Variants in RAB6A observed in about 807,000 individuals in gnomAD.
The protein encoded by RAB6A is RAB6A, member RAS oncogene family.
RAB6A carries 8 observed loss-of-function variants against 32.3 expected under a neutral mutation model. That is an observed-to-expected ratio of 0.25 (90% CI 0.15 to 0.45). RAB6A has a LOEUF of 0.45. Ranked by LOEUF, RAB6A falls within the 20% of genes least tolerant of loss-of-function variation. RAB6A has a pLI of 1.00. For synonymous variants in RAB6A, 73 were observed against 82.1 expected (o/e 0.89, Z 0.60); for missense variants, 104 against 249.4 (o/e 0.42, Z 3.93).
chr11:73,733,560 A>AT (rs1266445564), intron 1 of RAB6A, among the ~76,000 whole-genome samples: 97 of 142,184 alleles, frequency 6.8e-4, no homozygotes, highest in African/African-American at 2.2e-3. Flanking sequence ...CAAAAAAAAA[A>AT]AAATAAATAA....
rs1388949693 is a variant in RAB6A, at chr11:73,677,698, A to G, written c.*200T>C. The stretch of plus-strand genomic sequence containing the variant: ...CTGAAATATTTTGGCTTTTTGTAAA[A>G]TATAAATAATGAAGACACTGACTTT... On this transcript the variant is annotated 3_prime_UTR_variant, in exon 8 of 8. Coordinates refer to ENST00000336083, the MANE Select transcript of RAB6A (RefSeq NM_198896.2). 1.5e-5 allele frequency: 21 copies of G among 1,377,700 alleles called. No individual in the cohort carries two copies. Among genetic ancestry groups the G allele is most frequent in the Middle Eastern group, 3.8e-4 (2 of 5,266 alleles). The allele number at this position is 1,377,700 out of a possible 1,614,324, so 85.3% of individuals were successfully genotyped here.
In RAB6A at chr11:73,696,771, A is replaced by AT. The variant is rs565879166; in HGVS notation, c.495+10648dup. Among the ~76,000 whole-genome samples the AT allele has an allele frequency of 5.7e-3, 813 of 141,834 alleles. 3 individuals carry two copies. The highest frequency in any genetic ancestry group is 0.015 in the Middle Eastern group (4 of 266). 93.0% of individuals were successfully genotyped at this position (141,834 alleles called of 152,430 possible). A position where few individuals can be genotyped will look rare whatever the true frequency, so the allele number is the denominator to read the frequency against. The stretch of plus-strand genomic sequence containing the variant: ...CAGTCAACACACCACCATGCCTAGA[A>AT]TTTTTTTTTTTTTGCAGACACACAC... On this transcript the variant is annotated intron_variant, in intron 6 of 7. Transcript: ENST00000336083.
intron 6 of RAB6A, among the ~76,000 whole-genome samples, chr11:73,695,168 C>G (rs1945636936): frequency 6.6e-6 from 1 of 151,978 alleles, no homozygotes; most frequent in Non-Finnish European, 1.5e-5. Flanking sequence ...CTCAGGACAT[C>G]CCAAAGTGGG....
At chr11:73,750,844 T>A (rs1590892694) in intron 1 of RAB6A, among the ~76,000 whole-genome samples, 1 of 151,892 alleles carries the variant, frequency 6.6e-6, no homozygotes, top group Non-Finnish European at 1.5e-5. Flanking sequence ...TGAGGCAGGG[T>A]CTTGCTCTGT....
intron 4 of RAB6A, among the ~76,000 whole-genome samples, chr11:73,717,509 G>T (rs1211567916): frequency 6.6e-6 from 1 of 152,162 alleles, no homozygotes; most frequent in Non-Finnish European, 1.5e-5. Flanking sequence ...CAATGGCACG[G>T]TCTTGGCTCA....
chr11:73,720,149 A>C (rs574678064), intron 3 of RAB6A, among the ~76,000 whole-genome samples: 1 of 151,798 alleles, frequency 6.6e-6, no homozygotes, highest in Non-Finnish European at 1.5e-5. Context: ...AAAGGATGAA[A>C]GACAAAAATC....
Position 73,760,862 on chromosome 11 carries a change from G to T in RAB6A, c.-227C>A. The stretch of plus-strand genomic sequence containing the variant: ...CTAGCACCGAGCGAGGCCCGCGGCT[G>T]GGAAGGGAAGGAGGGCGGTGTCGGC... On this transcript the variant is annotated 5_prime_UTR_variant, in exon 1 of 8. Coordinates refer to ENST00000336083, the MANE Select transcript of RAB6A (RefSeq NM_198896.2). 1.9e-6 allele frequency: 1 copy of T among 532,090 alleles called. No individual in the cohort carries two copies. The highest frequency in any genetic ancestry group is 3.3e-6 in the Non-Finnish European group (1 of 303,228). The allele number at this position is 532,090 out of a possible 1,614,324, so 33.0% of individuals were successfully genotyped here. A position where few individuals can be genotyped will look rare whatever the true frequency, so the allele number is the denominator to read the frequency against.
At chr11:73,726,398 C>G (rs1946221166) in intron 2 of RAB6A, among the ~76,000 whole-genome samples, 1 of 150,066 alleles carries the variant, frequency 6.7e-6, no homozygotes, top group Non-Finnish European at 1.5e-5. Flanking sequence ...CTGGCTAGCA[C>G]AGTGAAACCC....
At chr11:73,699,862 G>A (rs1456839668) in intron 6 of RAB6A, among the ~76,000 whole-genome samples, 2 of 152,182 alleles carry the variant, frequency 1.3e-5, no homozygotes, top group African/African-American at 4.8e-5. Flanking sequence ...ATATAGTGAT[G>A]AGGAAAAGAT....
intron 6 of RAB6A, among the ~76,000 whole-genome samples, chr11:73,698,325 G>A (rs1351494592): frequency 6.6e-6 from 1 of 152,132 alleles, no homozygotes; most frequent in East Asian, 1.9e-4. Context: ...CAGAATATAA[G>A]GCTTAAGATC....
intron 5 of RAB6A, among the ~76,000 whole-genome samples, chr11:73,714,158 C>G (rs1331380984): frequency 1.5e-5 from 2 of 134,298 alleles, no homozygotes; most frequent in Non-Finnish European, 3.1e-5. Context: ...TGCCATTGTA[C>G]TCCAGCCTAA....
chr11:73,746,697 G>A (rs1946593515), intron 1 of RAB6A, among the ~76,000 whole-genome samples: 1 of 151,798 alleles, frequency 6.6e-6, no homozygotes, highest in Non-Finnish European at 1.5e-5. Context: ...GACTGAGGCT[G>A]CAGTGAGCAG....
In RAB6A at chr11:73,687,598, G is replaced by A. The variant is rs185006342; in HGVS notation, c.496-7878C>T. On this transcript the variant is annotated intron_variant, in intron 6 of 7. Transcript: ENST00000336083. Reference sequence around the variant, plus strand: ...CCAGGCACGGTGGCTCATGCCACTCGTAATCCCAGCACTTTGGGAGGCCGA... The same window carrying A: ...CCAGGCACGGTGGCTCATGCCACTCATAATCCCAGCACTTTGGGAGGCCGA... 5.5e-4 allele frequency among the ~76,000 whole-genome samples: 84 copies of A among 152,294 alleles called. 1 individual carries two copies. Among genetic ancestry groups the A allele is most frequent in the African/African-American group, 2.0e-3 (82 of 41,566 alleles).
intron 2 of RAB6A, among the ~76,000 whole-genome samples, chr11:73,727,906 ATCAAGTTTT>A (rs1946246301): frequency 6.6e-6 from 1 of 152,238 alleles, no homozygotes; most frequent in African/African-American, 2.4e-5. Flanking sequence ...GACAAATGAA[ATCAAGTTTT>A]TATGCTAACT....
chr11:73,703,536 G>A (rs976993577), intron 6 of RAB6A, among the ~76,000 whole-genome samples: 3 of 151,748 alleles, frequency 2.0e-5, no homozygotes, highest in Admixed American at 1.3e-4. Context: ...AAGGCCAGGA[G>A]TTTCAGACCA....
intron 6 of RAB6A, among the ~76,000 whole-genome samples, chr11:73,683,539 T>A (rs182348327): frequency 4.6e-5 from 7 of 151,868 alleles, no homozygotes; most frequent in Admixed American, 4.6e-4. Flanking sequence ...ATTACAGGCA[T>A]GCACCACCGC....
intron 5 of RAB6A, among the ~76,000 whole-genome samples, chr11:73,711,242 G>C (rs1945953149): frequency 6.6e-6 from 1 of 152,162 alleles, no homozygotes; most frequent in Non-Finnish European, 1.5e-5. Context: ...GGAAGTACTT[G>C]ATGCTGAGCT....
chr11:73,743,078 C>T (rs1307496112), intron 1 of RAB6A, among the ~76,000 whole-genome samples: 1 of 151,832 alleles, frequency 6.6e-6, no homozygotes, highest in Non-Finnish European at 1.5e-5. Flanking sequence ...CCAAGACGGG[C>T]AGATCACTCG....
chr11:73,684,862 T>A (rs1261687286), intron 6 of RAB6A, among the ~76,000 whole-genome samples: 1 of 152,206 alleles, frequency 6.6e-6, no homozygotes, highest in East Asian at 1.9e-4. Context: ...GTAAAATAAT[T>A]ACGATAAGGA....
Sources: gnomAD v4.1 joint callset for allele counts (sites outside exome capture counted in the v4.1 genomes callset) on GRCh38, gnomAD v4.1.1 for gene constraint, MANE v1.5 for transcripts, NCBI Gene and HGNC (gene_info 2026-07-23, HGNC 2026-07-21) for gene names.